CNTNAP2: variants seen among roughly 807,000 people sequenced by gnomAD.
CNTNAP2 encodes the protein contactin-associated protein-like 2.
A neutral mutation model predicts 155.2 loss-of-function variants in CNTNAP2; 98 were observed. That is an observed-to-expected ratio of 0.63 (90% CI 0.54 to 0.75). The LOEUF is 0.75. CNTNAP2 is among the 30% of genes least tolerant of loss of function. The probability of loss-of-function intolerance (pLI) is 0.00; values close to 1 mark genes in which losing one functional copy is unlikely to be tolerated. For synonymous variants in CNTNAP2, 651 were observed against 631.2 expected (o/e 1.03, Z -0.47); for missense variants, 1,727 against 1,688.1 (o/e 1.02, Z -0.40).
chr7:148,210,132 G>A (rs2116744270), intron 18 of CNTNAP2, among the ~76,000 whole-genome samples: 1 of 152,294 alleles, frequency 6.6e-6, no homozygotes. Flanking sequence ...CAGGGTAGGG[G>A]GGCCTTTAAG....
intron 1 of CNTNAP2, among the ~76,000 whole-genome samples, chr7:146,169,756 A>C (rs905395034): frequency 1.3e-5 from 2 of 151,098 alleles, no homozygotes; most frequent in Non-Finnish European, 2.9e-5. Flanking sequence ...ATTTAACATA[A>C]TATATTCCAG....
intron 1 of CNTNAP2, among the ~76,000 whole-genome samples, chr7:146,173,453 C>G (rs2116823954): frequency 6.6e-6 from 1 of 151,802 alleles, no homozygotes; most frequent in Admixed American, 6.6e-5. Context: ...TCCCCCTCAC[C>G]TCCCCCCACA....
chr7:146,366,679 T>C (rs1175869714), intron 1 of CNTNAP2, among the ~76,000 whole-genome samples: 2 of 152,192 alleles, frequency 1.3e-5, no homozygotes, highest in African/African-American at 2.4e-5. Flanking sequence ...CTTGGAGATA[T>C]TGTCCATCAT....
chr7:147,039,962 A>G (rs1488314671), intron 3 of CNTNAP2, among the ~76,000 whole-genome samples: 1 of 152,254 alleles, frequency 6.6e-6, no homozygotes, highest in East Asian at 1.9e-4. Flanking sequence ...AATGGGATCT[A>G]ATTAAACCTA....
intron 15 of CNTNAP2, among the ~76,000 whole-genome samples, chr7:148,000,309 A>T (rs1289799075): frequency 6.6e-6 from 1 of 152,098 alleles, no homozygotes; most frequent in African/African-American, 2.4e-5. Flanking sequence ...TCCAGAGGGG[A>T]AGAAGCCTTT....
chr7:146,426,597 A>G (rs920509199), intron 1 of CNTNAP2, among the ~76,000 whole-genome samples: 1 of 149,924 alleles, frequency 6.7e-6, no homozygotes, highest in Non-Finnish European at 1.5e-5. Context: ...CAAAAGTATT[A>G]CAGTGACTCA....
At chr7:146,876,715 T>C (rs1795436407) in intron 3 of CNTNAP2, among the ~76,000 whole-genome samples, 1 of 152,164 alleles carries the variant, frequency 6.6e-6, no homozygotes, top group Non-Finnish European at 1.5e-5. Context: ...GGATCAACGA[T>C]ACAATAATGT....
At chr7:146,141,682 G>A (rs181680161) in intron 1 of CNTNAP2, among the ~76,000 whole-genome samples, 2 of 151,998 alleles carry the variant, frequency 1.3e-5, no homozygotes, top group Admixed American at 6.6e-5. Context: ...TAAAAATAAT[G>A]TTATTGAGTT....
intron 15 of CNTNAP2, among the ~76,000 whole-genome samples, chr7:148,079,346 A>G (rs1371928108): frequency 6.6e-6 from 1 of 152,176 alleles, no homozygotes; most frequent in African/African-American, 2.4e-5. Context: ...GCAGATTCTC[A>G]TGATGTTGCC....
intron 22 of CNTNAP2, among the ~76,000 whole-genome samples, chr7:148,387,466 G>A (rs1236352935): frequency 1.3e-5 from 2 of 152,152 alleles, no homozygotes; most frequent in Admixed American, 1.3e-4. Context: ...AAAATAACAT[G>A]AGAGCTCGTG....
intron 13 of CNTNAP2, among the ~76,000 whole-genome samples, chr7:147,882,615 T>C (rs1302954670): frequency 3.3e-5 from 5 of 152,224 alleles, no homozygotes; most frequent in African/African-American, 9.6e-5. Context: ...GGCTTCCGAG[T>C]CTCTCTTTGT....
At chr7:146,689,239 G>C (rs1800656512) in intron 1 of CNTNAP2, among the ~76,000 whole-genome samples, 1 of 152,004 alleles carries the variant, frequency 6.6e-6, no homozygotes, top group East Asian at 1.9e-4. Context: ...CTCTATGAGT[G>C]GTGATCAAAA....
chr7:146,244,246 T>C (rs1198348279), intron 1 of CNTNAP2, among the ~76,000 whole-genome samples: 1 of 152,146 alleles, frequency 6.6e-6, no homozygotes, highest in Non-Finnish European at 1.5e-5. Context: ...GAGTGGCAGT[T>C]TGGGGATAGC....
chr7:146,669,628 G>A (rs967893661), intron 1 of CNTNAP2, among the ~76,000 whole-genome samples: 16 of 151,970 alleles, frequency 1.1e-4, no homozygotes, highest in Non-Finnish European at 1.8e-4. Flanking sequence ...TGAACATCCC[G>A]TAGATACCTA....
In CNTNAP2 at chr7:147,016,535, G is replaced by A. The variant is rs547915095; in HGVS notation, c.403-27372G>A. Among the ~76,000 whole-genome samples the A allele has an allele frequency of 1.5e-3, 233 of 152,102 alleles. 4 individuals are homozygous for A. The highest frequency in any genetic ancestry group is 5.0e-3 in the African/African-American group (207 of 41,516). ...TTCTCAGGGCCTCTTAATAAGAACT[G>A]GTTCCATTTGATGAGTGAGTTGCAA... On this transcript the variant is annotated intron_variant, in intron 3 of 23. Coordinates refer to ENST00000361727, the MANE Select transcript of CNTNAP2 (RefSeq NM_014141.6).
intron 3 of CNTNAP2, among the ~76,000 whole-genome samples, chr7:146,929,822 C>T (rs376231871): frequency 3.0e-4 from 46 of 151,906 alleles, no homozygotes; most frequent in African/African-American, 9.7e-4. Context: ...TGCGATCAAC[C>T]GGAAGAAAGG....
intron 9 of CNTNAP2, among the ~76,000 whole-genome samples, chr7:147,332,162 G>T (rs1002670898): frequency 1.3e-5 from 2 of 152,146 alleles, no homozygotes; most frequent in African/African-American, 4.8e-5. Context: ...TCACATTAAT[G>T]AAGAAGGGCC....
chr7:147,487,992 G>T (rs1329827366), intron 11 of CNTNAP2, among the ~76,000 whole-genome samples: 1 of 152,074 alleles, frequency 6.6e-6, no homozygotes, highest in Non-Finnish European at 1.5e-5. Flanking sequence ...AATATCCAAC[G>T]TGTGCATAAA....
chr7:147,695,506 A>G (rs1034791643), intron 13 of CNTNAP2, among the ~76,000 whole-genome samples: 3 of 152,100 alleles, frequency 2.0e-5, no homozygotes, highest in Admixed American at 6.6e-5. Flanking sequence ...TGCTTTAAGT[A>G]TTTTTACATT....
Sources: allele counts gnomAD v4.1 joint callset (sites outside exome capture counted in the v4.1 genomes callset), GRCh38; gene constraint gnomAD v4.1.1; transcripts MANE v1.5; gene names NCBI Gene and HGNC (gene_info 2026-07-23, HGNC 2026-07-21).